RGS3: variants seen among roughly 807,000 people sequenced by gnomAD.
The protein encoded by RGS3 is regulator of G protein signaling 3.
In RGS3, 80 loss-of-function variants were observed where a neutral mutation model predicts 132.6. The observed-to-expected ratio is 0.60, with a 90% CI of 0.50 to 0.73. The LOEUF (loss-of-function observed/expected upper bound fraction) is 0.73. Ranked by LOEUF, RGS3 falls within the 30% of genes least tolerant of loss-of-function variation. The pLI is 0.00. For missense variants in RGS3, 1,382 were observed against 1,530.8 expected, an observed-to-expected ratio of 0.90 and a Z score of 1.62; for synonymous variants, 598 against 620.6, an observed-to-expected ratio of 0.96 and a Z score of 0.54.
chr9:113,505,152 C>G (rs1183772978), intron 10 of RGS3: 3 of 448,352 alleles, frequency 6.7e-6, no homozygotes, highest in African/African-American at 5.9e-5. Flanking sequence ...GCTGCTGGGG[C>G]TCAGGATGGC....
chr9:113,495,957 C>G, intron 8 of RGS3, 111 bp downstream of exon 6: 3 of 947,604 alleles, frequency 3.2e-6, no homozygotes, highest in South Asian at 2.6e-5. Flanking sequence ...AGATGGTGCC[C>G]CACTGAGACA....
chr9:113,459,505 T>C (rs1829424427), upstream of RGS3, among the ~76,000 whole-genome samples: 1 of 152,184 alleles, frequency 6.6e-6, no homozygotes, highest in Non-Finnish European at 1.5e-5. Context: ...ATCCCAGCGC[T>C]GTGGGAGGCC....
At chr9:113,499,045 G>T (rs1188855862) in intron 10 of RGS3, among the ~76,000 whole-genome samples, 1 of 151,240 alleles carries the variant, frequency 6.6e-6, no homozygotes, top group East Asian at 1.9e-4. Flanking sequence ...TGGCTAATAT[G>T]GTGAAACCAT....
At position 113,507,764 on chromosome 9, in the gene RGS3, G is replaced by C. The variant is rs1831202822; in HGVS notation, c.1437+126G>C. 1 of 756,920 alleles carries C rather than the reference G, an allele frequency of 1.3e-6. No homozygotes were observed. Among genetic ancestry groups the C allele is most frequent in the Non-Finnish European group, 2.0e-6 (1 of 490,164 alleles). 46.9% of individuals were successfully genotyped at this position (756,920 alleles called of 1,614,324 possible). A position where few individuals can be genotyped will look rare whatever the true frequency, so the allele number is the denominator to read the frequency against. Reference sequence around the variant, plus strand: ...GGCTGCGATGTTGGGCAAGGAGATGGGGTATGTGCTAGCTCTGCCTTCTGC... The same window carrying C: ...GGCTGCGATGTTGGGCAAGGAGATGCGGTATGTGCTAGCTCTGCCTTCTGC... On this transcript the variant is annotated intron_variant, in intron 13 of 24. Coordinates refer to ENST00000350696, the Ensembl canonical transcript of RGS3. This position sits in a 1 kb window ranked among gnomAD's most constrained non-coding sequence, Gnocchi z 5.0.
chr9:113,447,177 G>C (rs1829119994), intron 1 of RGS3, among the ~76,000 whole-genome samples: 1 of 146,504 alleles, frequency 6.8e-6, no homozygotes, highest in Non-Finnish European at 1.5e-5. Context: ...CAGAAGAATT[G>C]ATTGAACCCG....
At chr9:113,558,364 G>A (rs1436291129) in intron 19 of RGS3, among the ~76,000 whole-genome samples, 4 of 152,104 alleles carry the variant, frequency 2.6e-5, no homozygotes, top group African/African-American at 7.2e-5. Flanking sequence ...TTAGCCGGAC[G>A]TGGTGGTGGG....
rs200827727 is a variant in RGS3, at chr9:113,583,645, G to A, written c.2233G>A (p.Asp745Asn). The stretch of plus-strand genomic sequence containing the variant: ...CAGCCAAGAACCACTGTCCAGCAAA[G>A]ACTCAGCTACCTCTGAAGGATCCCC... Residue 745 changes from aspartate (D) to asparagine (N), a missense_variant, in exon 20 of 25, where the codon GAC becomes AAC. Physicochemically the swap from Asp to Asn is conservative, Grantham distance 23. Transcript: ENST00000350696. 1.1e-5 allele frequency: 18 copies of A among 1,614,070 alleles called. No homozygotes were observed. In the East Asian group the frequency reaches 4.0e-4, roughly 36 times the overall value.
At chr9:113,501,751 C>G in intron 10 of RGS3, 2 of 1,062,586 alleles carry the variant, frequency 1.9e-6, no homozygotes, top group Non-Finnish European at 2.8e-6. Flanking sequence ...TCCCTGCAGG[C>G]TCACTTGGAT....
chr9:113,520,697 T>G (rs1431922627), intron 16 of RGS3, among the ~76,000 whole-genome samples: 1 of 152,090 alleles, frequency 6.6e-6, no homozygotes, highest in African/African-American at 2.4e-5. Context: ...GTTTGCTTTG[T>G]GTTTCTGGCT....
At chr9:113,529,924 C>G (rs527431831) in intron 18 of RGS3, among the ~76,000 whole-genome samples, 2 of 152,186 alleles carry the variant, frequency 1.3e-5, no homozygotes, top group Non-Finnish European at 2.9e-5. Context: ...GATAAAATAT[C>G]ATTAAGGCTG....
In RGS3 at chr9:113,506,311, G is replaced by A; in HGVS notation, c.980-77G>A. On this transcript the variant is annotated intron_variant, in intron 11 of 24. Coordinates refer to ENST00000350696, the Ensembl canonical transcript of RGS3. This position sits in a 1 kb window ranked among gnomAD's most constrained non-coding sequence, Gnocchi z 4.7. ...GAGGTCCTTGTCTGAGGTCACCATGGCAGCAAAGGACTCCAGATCCTTTGA... is the reference window on the plus strand; with the variant it reads ...GAGGTCCTTGTCTGAGGTCACCATGACAGCAAAGGACTCCAGATCCTTTGA... 2.3e-6 allele frequency: 2 copies of A among 861,164 alleles called. No individual in the cohort carries two copies. The highest frequency in any genetic ancestry group is 1.9e-6 in the Non-Finnish European group (1 of 532,346). The allele number at this position is 861,164 out of a possible 1,614,324, so 53.3% of individuals were successfully genotyped here.
intron 19 of RGS3, among the ~76,000 whole-genome samples, chr9:113,551,309 C>A (rs961682240): frequency 6.6e-6 from 1 of 152,176 alleles, no homozygotes. Flanking sequence ...GCAACTAATT[C>A]CTTTTCATGG....
At chr9:113,568,883 G>A (rs1334635887) in intron 19 of RGS3, among the ~76,000 whole-genome samples, 12 of 152,156 alleles carry the variant, frequency 7.9e-5, no homozygotes, top group Admixed American at 6.6e-4. Flanking sequence ...GAGTGGGGAT[G>A]GGGGCAGGAT....
chr9:113,542,753 G>A (rs1281650674), intron 19 of RGS3, among the ~76,000 whole-genome samples: 2 of 152,218 alleles, frequency 1.3e-5, no homozygotes, highest in African/African-American at 2.4e-5. Flanking sequence ...TGGCCCAGGT[G>A]GGAGAGTTCA....
chr9:113,501,319 A>T, intron 10 of RGS3: 2 of 1,012,676 alleles, frequency 2.0e-6, no homozygotes, highest in Admixed American at 5.9e-5. Flanking sequence ...GGGGAATACT[A>T]ACTAGTTGAC....
chr9:113,590,047 C>T (rs373520022), intron 20 of RGS3: 1 of 152,252 alleles, frequency 6.6e-6, no homozygotes. Flanking sequence ...GGAGGCAGCA[C>T]TTCCCGAGTC....
intron 19 of RGS3, among the ~76,000 whole-genome samples, chr9:113,571,773 G>T (rs1329968953): frequency 6.6e-6 from 1 of 152,014 alleles, no homozygotes; most frequent in Non-Finnish European, 1.5e-5. Flanking sequence ...GTTGAGTCCT[G>T]TTTCTCTGCT....
At chr9:113,545,825 AT>A (rs1015366761) in intron 19 of RGS3, among the ~76,000 whole-genome samples, 1 of 152,164 alleles carries the variant, frequency 6.6e-6, no homozygotes, top group Non-Finnish European at 1.5e-5. Flanking sequence ...CCTGTTATAC[AT>A]TTACTCTCAT....
chr9:113,532,518 C>T (rs1215566840), intron 18 of RGS3, among the ~76,000 whole-genome samples: 3 of 152,164 alleles, frequency 2.0e-5, no homozygotes, highest in Non-Finnish European at 4.4e-5. Context: ...CCCAGCCCTA[C>T]ACTCTGCTGT....
Sources: allele counts gnomAD v4.1 joint callset (sites outside exome capture counted in the v4.1 genomes callset), GRCh38; gene constraint gnomAD v4.1.1; non-coding constraint Gnocchi (gnomAD v3.1); transcripts MANE v1.5; gene names NCBI Gene and HGNC (gene_info 2026-07-23, HGNC 2026-07-21).